NFASC: variants seen among roughly 807,000 people sequenced by gnomAD.
NFASC encodes neurofascin homolog.
A neutral mutation model predicts 147.5 loss-of-function variants in NFASC; 43 were observed. The observed-to-expected ratio is 0.29, with a 90% CI of 0.23 to 0.38. NFASC has a LOEUF of 0.38. NFASC is among the 10% of genes least tolerant of loss of function. The probability of loss-of-function intolerance (pLI) is 1.00; values close to 1 mark genes in which losing one functional copy is unlikely to be tolerated. For synonymous variants in NFASC, 622 were observed against 665.5 expected (o/e 0.93, Z 1.01); for missense variants, 1,320 against 1,689.0 (o/e 0.78, Z 3.83).
chr1:204,953,380 T>C (rs953508922), intron 5 of NFASC, among the ~76,000 whole-genome samples: 5 of 152,202 alleles, frequency 3.3e-5, no homozygotes, highest in African/African-American at 1.2e-4. Flanking sequence ...CACTGCAAGC[T>C]CCACTTCCCG....
intron 21 of NFASC, chr1:204,984,086 C>T: frequency 2.5e-6 from 4 of 1,614,164 alleles, no homozygotes; most frequent in Non-Finnish European, 3.4e-6. Flanking sequence ...AGCCATCAGC[C>T]TTCAGTGGAA....
intron 2 of NFASC, among the ~76,000 whole-genome samples, chr1:204,938,302 C>G (rs890413707): frequency 6.6e-6 from 1 of 152,194 alleles, no homozygotes; most frequent in Non-Finnish European, 1.5e-5. Flanking sequence ...TTGGTCATGT[C>G]GTGGAGGTGG....
chr1:204,905,739 T>A (rs2085711199), intron 1 of NFASC, among the ~76,000 whole-genome samples: 1 of 152,232 alleles, frequency 6.6e-6, no homozygotes, highest in African/African-American at 2.4e-5. Flanking sequence ...TGAATAGGAC[T>A]GTGAGGAACA....
chr1:205,000,847 CAA>C (rs1394797504), intron 25 of NFASC: 4 of 341,920 alleles, frequency 1.2e-5, no homozygotes, highest in Non-Finnish European at 2.2e-5. Context: ...AAACAGAAAA[CAA>C]AAAAACTCTT....
At chr1:205,002,881 C>T (rs1452651429) in intron 27 of NFASC, 133 bp downstream of exon 27, 1 of 654,968 alleles carries the variant, frequency 1.5e-6, no homozygotes, top group East Asian at 3.3e-5. Flanking sequence ...CATGGCGTGT[C>T]TCAGCTCTTA....
chr1:204,885,905 A>T (rs1276194181), intron 1 of NFASC, among the ~76,000 whole-genome samples: 6 of 152,212 alleles, frequency 3.9e-5, no homozygotes, highest in Non-Finnish European at 8.8e-5. Flanking sequence ...AGCTTGCATG[A>T]AGTGAGTGTT....
chr1:204,941,011 G>A (rs1056995234), intron 2 of NFASC, among the ~76,000 whole-genome samples: 2 of 152,184 alleles, frequency 1.3e-5, no homozygotes, highest in African/African-American at 4.8e-5. Context: ...TTGAGGAACT[G>A]CCAAACTATA....
rs2151153907 is a variant in NFASC, at chr1:205,020,984, T to A, written c.*4445T>A. 1 of 152,370 alleles carries A rather than the reference T, an allele frequency of 6.6e-6. No individual in the cohort carries two copies. The highest frequency in any genetic ancestry group is 2.4e-5 in the African/African-American group (1 of 41,546). The allele number at this position is 152,370 out of a possible 1,614,324, so 9.4% of individuals were successfully genotyped here. ...AGGATCCTGCTTGAGCTCTGCGTGG[T>A]GGCCAAGGAGTAGCATGGAGGAGGG... On this transcript the variant is annotated 3_prime_UTR_variant, in exon 30 of 30. Transcript: ENST00000339876.
chr1:205,006,610 A>AC, intron 27 of NFASC, among the ~76,000 whole-genome samples: 1 of 152,304 alleles, frequency 6.6e-6, no homozygotes, highest in African/African-American at 2.4e-5. Context: ...GAAAGGTGGC[A>AC]CCATTGGAAG....
In NFASC at chr1:204,970,631, T is replaced by C; in HGVS notation, c.1019T>C (p.Leu340Pro). The stretch of plus-strand genomic sequence containing the variant: ...TGTCTTCCAGCTGCTCCCTACTGGC[T>C]GGACGAACCCAAGAACCTTATTCTG... ...SVRVKAAPYW[L>P]DEPKNLILAP... is the part of the protein sequence containing the mutation. The change falls in exon 11 of 30, where the codon CTG becomes CCG. Residue 340 changes from leucine to proline, a missense_variant. Coordinates refer to ENST00000339876, the MANE Select transcript of NFASC (RefSeq NM_001005388.3). 1 of 1,614,086 alleles carries C rather than the reference T, an allele frequency of 6.2e-7. No individual in the cohort carries two copies. Among genetic ancestry groups the C allele is most frequent in the Non-Finnish European group, 8.5e-7 (1 of 1,180,042 alleles).
intron 7 of NFASC, among the ~76,000 whole-genome samples, chr1:204,956,328 C>A (rs2094431880): frequency 6.6e-6 from 1 of 152,220 alleles, no homozygotes; most frequent in South Asian, 2.1e-4. Context: ...GGCACCCAGT[C>A]CCATTCCAGA....
chr1:204,958,090 C>T (rs2094506597), intron 8 of NFASC, among the ~76,000 whole-genome samples: 2 of 152,156 alleles, frequency 1.3e-5, no homozygotes, highest in Admixed American at 6.5e-5. Flanking sequence ...AACCTGGCAG[C>T]GTACCCAGAA....
Position 205,016,876 on chromosome 1 carries a change from T to A in NFASC, c.*337T>A. ...CCTCGGCACACGCTCACCTTTTCTG[T>A]TGGTTACGGGACTTCTCATTGTCTT... is the stretch of plus-strand genomic sequence containing the variant. On this transcript the variant is annotated 3_prime_UTR_variant, in exon 30 of 30. Transcript: ENST00000339876. This position sits in a 1 kb window ranked among gnomAD's most constrained non-coding sequence, Gnocchi z 5.1. The A allele has an allele frequency of 7.4e-6, 3 of 406,422 alleles. No homozygotes were observed. Among genetic ancestry groups the A allele is most frequent in the South Asian group, 6.3e-5 (3 of 47,256 alleles). 25.2% of individuals were successfully genotyped at this position (406,422 alleles called of 1,614,324 possible).
chr1:204,960,456 TC>T (rs1245406154), intron 8 of NFASC, among the ~76,000 whole-genome samples: 2 of 152,180 alleles, frequency 1.3e-5, no homozygotes, highest in East Asian at 3.8e-4. Flanking sequence ...AGGAGGGTCC[TC>T]CCTAAGGCAG....
At chr1:204,927,686 A>G (rs1343563666) in intron 2 of NFASC, among the ~76,000 whole-genome samples, 1 of 151,910 alleles carries the variant, frequency 6.6e-6, no homozygotes, top group Non-Finnish European at 1.5e-5. Flanking sequence ...CTGTCACACA[A>G]GATTATCACT....
rs939429469 is a variant in NFASC at position 205,021,084 on chromosome 1, C to T, written c.*4545C>T. 1 of 152,194 alleles carries T rather than the reference C, an allele frequency of 6.6e-6. No individual in the cohort carries two copies. The highest frequency in any genetic ancestry group is 2.4e-5 in the African/African-American group (1 of 41,422). 9.4% of individuals were successfully genotyped at this position (152,194 alleles called of 1,614,324 possible). A position where few individuals can be genotyped will look rare whatever the true frequency, so the allele number is the denominator to read the frequency against. ...AGAGCTTGATATGTCAAGAGGAGACCAAGGCCCTGGGAGGCATAGGCAAGC... is the reference window on the plus strand; with the variant it reads ...AGAGCTTGATATGTCAAGAGGAGACTAAGGCCCTGGGAGGCATAGGCAAGC... On this transcript the variant is annotated 3_prime_UTR_variant, in exon 30 of 30. Transcript: ENST00000339876.
Position 204,979,240 on chromosome 1 carries a change from C to A in NFASC, c.1979-122C>A. 9.9e-7 allele frequency: 1 copy of A among 1,007,960 alleles called. No individual in the cohort carries two copies. The highest frequency in any genetic ancestry group is 1.5e-6 in the Non-Finnish European group (1 of 651,090). 62.4% of individuals were successfully genotyped at this position (1,007,960 alleles called of 1,614,324 possible). A position where few individuals can be genotyped will look rare whatever the true frequency, so the allele number is the denominator to read the frequency against. On this transcript the variant is annotated intron_variant, in intron 18 of 29. Coordinates refer to ENST00000339876, the MANE Select transcript of NFASC (RefSeq NM_001005388.3). This position sits in a 1 kb window ranked among gnomAD's most constrained non-coding sequence, Gnocchi z 6.0. Reference sequence around the variant, plus strand: ...CTCTTCCTGTGCCTTGGGAAGAATTCTCCTTGTGCCTTTGTGTGAGAGAGA... The same window carrying A: ...CTCTTCCTGTGCCTTGGGAAGAATTATCCTTGTGCCTTTGTGTGAGAGAGA...
chr1:205,005,896 C>T (rs771164717), intron 27 of NFASC, among the ~76,000 whole-genome samples: 20 of 152,192 alleles, frequency 1.3e-4, no homozygotes, highest in East Asian at 1.9e-4. Flanking sequence ...ACATTTGCTT[C>T]CTAATTGCCC....
chr1:204,898,797 A>G (rs181454347), intron 1 of NFASC, among the ~76,000 whole-genome samples: 6 of 152,320 alleles, frequency 3.9e-5, no homozygotes, highest in Admixed American at 3.9e-4. Flanking sequence ...CGTGTAGTTC[A>G]TTGATTTCTA....
Sources: gnomAD v4.1 joint callset for allele counts (sites outside exome capture counted in the v4.1 genomes callset) on GRCh38, gnomAD v4.1.1 for gene constraint, Gnocchi (gnomAD v3.1) non-coding constraint, MANE v1.5 for transcripts, NCBI Gene and HGNC (gene_info 2026-07-23, HGNC 2026-07-21) for gene names.